The following LYSMD2 variants were observed in gnomAD, a reference collection of about 807,000 sequenced individuals.
LYSMD2 encodes the protein lysM and putative peptidoglycan-binding domain-containing protein 2.
LYSMD2 carries 6 observed loss-of-function variants against 17.7 expected under a neutral mutation model. The ratio of observed to expected loss-of-function variants is 0.34; its 90% CI spans 0.19 to 0.67. The LOEUF (loss-of-function observed/expected upper bound fraction) is 0.67. LYSMD2 is among the 30% of genes least tolerant of loss of function. The pLI, the probability that LYSMD2 is intolerant of heterozygous loss-of-function variation, is 0.69. For synonymous variants in LYSMD2, 102 were observed against 129.8 expected (o/e 0.79, Z 1.45); for missense variants, 237 against 286.7 (o/e 0.83, Z 1.25).
chr15:51,743,452 A>C (rs1229428094), intron 1 of LYSMD2, among the ~76,000 whole-genome samples: 1 of 152,166 alleles, frequency 6.6e-6, no homozygotes, highest in East Asian at 1.9e-4. Flanking sequence ...GTGTGGGTCT[A>C]TTTCTGGACA....
upstream of LYSMD2, among the ~76,000 whole-genome samples, chr15:51,742,402 A>T (rs531179007): frequency 1.7e-4 from 26 of 152,286 alleles, no homozygotes; most frequent in Non-Finnish European, 3.1e-4. Flanking sequence ...GGTCATATTA[A>T]TTTGACTCTT....
chr15:51,723,401 A>AT lies in LYSMD2; in HGVS notation c.*205dup. 2 of 503,318 alleles carry AT rather than the reference A, an allele frequency of 4.0e-6. No homozygotes were observed. Among genetic ancestry groups the AT allele is most frequent in the Non-Finnish European group, 7.1e-6 (2 of 282,750 alleles). The allele number at this position is 503,318 out of a possible 1,614,324, so 31.2% of individuals were successfully genotyped here. ...ATGAGCTTTAGGCTACAACCTTGCC[A>AT]TCATGCCATAATAAAGACTTAAAAT... is the stretch of plus-strand genomic sequence containing the variant. On this transcript the variant is annotated 3_prime_UTR_variant, in exon 3 of 3. Coordinates refer to ENST00000267838, the MANE Select transcript of LYSMD2 (RefSeq NM_153374.3).
chr15:51,736,791 TCA>T (rs1349193148), intron 1 of LYSMD2, among the ~76,000 whole-genome samples: 2 of 152,160 alleles, frequency 1.3e-5, no homozygotes, highest in Non-Finnish European at 2.9e-5. Flanking sequence ...GCGACAGGTG[TCA>T]CATTCGCGGT....
upstream of LYSMD2, chr15:51,737,691 G>T: frequency 9.1e-7 from 1 of 1,100,256 alleles, no homozygotes; most frequent in Non-Finnish European, 1.1e-6. The surrounding 1 kb of genome is among the most constrained non-coding windows in gnomAD (Gnocchi z 4.2). Context: ...CTCCGCCGCC[G>T]CCGCCGCCTC....
At chr15:51,751,233 G>A (rs1438880073) in intron 1 of LYSMD2, 8 of 700,982 alleles carry the variant, frequency 1.1e-5, no homozygotes, top group East Asian at 1.1e-4. Flanking sequence ...CCACGCCCAC[G>A]CCCAGCCAGG....
Position 51,723,628 on chromosome 15 carries a change from T to C in LYSMD2, c.627A>G (p.Ala209=), listed in dbSNP as rs558955912. 6.2e-7 allele frequency: 1 copy of C among 1,607,140 alleles called. No homozygotes were observed. Among genetic ancestry groups the C allele is most frequent in the South Asian group, 1.1e-5 (1 of 90,354 alleles). Residue 209 remains alanine, a synonymous_variant, in exon 3 of 3, where the codon GCA becomes GCG. Transcript: ENST00000267838. ...EESRDEESPY[A]TSLYHS The stretch of plus-strand genomic sequence containing the variant: ...TCACCTAACTGTGATAGAGGGAAGT[T>C]GCATAGGGACTTTCTTCATCTCTGA...
chr15:51,742,530 G>A (rs1300792031), upstream of LYSMD2, among the ~76,000 whole-genome samples: 2 of 152,066 alleles, frequency 1.3e-5, no homozygotes, highest in Admixed American at 1.3e-4. Context: ...TTGAGTTTGG[G>A]GGAGCTCTTT....
chr15:51,723,491 G>T lies in LYSMD2; in HGVS notation c.*116C>A, dbSNP rs1046571001. 8 of 837,164 alleles carry T rather than the reference G, an allele frequency of 9.6e-6. No homozygotes were observed. The highest frequency in any genetic ancestry group is 1.4e-5 in the Non-Finnish European group (7 of 489,436). The allele number at this position is 837,164 out of a possible 1,614,324, so 51.9% of individuals were successfully genotyped here. Reference sequence around the variant, plus strand: ...GCAGCAGGTAGAACTACCTAGTTATGATTTTAAGATGGACACTATAGGAAT... The same window carrying T: ...GCAGCAGGTAGAACTACCTAGTTATTATTTTAAGATGGACACTATAGGAAT... On this transcript the variant is annotated 3_prime_UTR_variant, in exon 3 of 3. Coordinates refer to ENST00000267838, the MANE Select transcript of LYSMD2 (RefSeq NM_153374.3).
intron 1 of LYSMD2, among the ~76,000 whole-genome samples, chr15:51,732,543 TTTAATGGCTA>T (rs1456207768): frequency 6.6e-6 from 1 of 152,198 alleles, no homozygotes. Flanking sequence ...AATGCCAGTT[TTTAATGGCTA>T]TTAATGGCTA....
chr15:51,738,787 T>C (rs1279033825), upstream of LYSMD2, among the ~76,000 whole-genome samples: 1 of 152,198 alleles, frequency 6.6e-6, no homozygotes, highest in Non-Finnish European at 1.5e-5. Flanking sequence ...AGGAGCAAGC[T>C]TCCACAACAC....
chr15:51,745,655 C>CCA (rs3078131), intron 1 of LYSMD2, among the ~76,000 whole-genome samples: 4,725 of 150,982 alleles, frequency 0.031, 131 homozygotes, highest in South Asian at 0.14. Context: ...AAAACACACA[C>CCA]CACACACACA....
At chr15:51,747,546 G>C (rs1171893792) in intron 1 of LYSMD2, among the ~76,000 whole-genome samples, 3 of 152,202 alleles carry the variant, frequency 2.0e-5, no homozygotes, top group Non-Finnish European at 4.4e-5. Flanking sequence ...AATATTCTGT[G>C]TTCACATTTT....
intron 2 of LYSMD2, among the ~76,000 whole-genome samples, chr15:51,724,122 G>C (rs1595846736): frequency 1.3e-5 from 2 of 152,078 alleles, no homozygotes; most frequent in South Asian, 4.2e-4. Context: ...ATCAATTTTA[G>C]TTGCAAGCTT....
chr15:51,737,008 G>T lies in LYSMD2; in HGVS notation c.273+342C>A, dbSNP rs537754534. Among the ~76,000 whole-genome samples, 24 of 152,306 alleles carry T rather than the reference G, an allele frequency of 1.6e-4. No individual in the cohort carries two copies. The highest frequency in any genetic ancestry group is 2.6e-4 in the Non-Finnish European group (18 of 68,022). On this transcript the variant is annotated intron_variant, in intron 1 of 2. Transcript: ENST00000267838. The surrounding 1 kb of genome is among the most constrained non-coding windows in gnomAD (Gnocchi z 4.2). ...TGCAAATTGGGTGAAGGTGGTTCAC[G>T]GGGATGCCAAAGCCCTAGTCCTCTT...
chr15:51,734,917 G>T (rs917531709), intron 1 of LYSMD2, among the ~76,000 whole-genome samples: 3 of 152,176 alleles, frequency 2.0e-5, no homozygotes, highest in Non-Finnish European at 4.4e-5. Context: ...GCTCACACCT[G>T]TAGGCCCAGC....
At chr15:51,745,052 A>G (rs2055660669) in intron 1 of LYSMD2, among the ~76,000 whole-genome samples, 1 of 152,182 alleles carries the variant, frequency 6.6e-6, no homozygotes, top group African/African-American at 2.4e-5. Context: ...ATGAACTAAC[A>G]AAACTGACTC....
upstream of LYSMD2, among the ~76,000 whole-genome samples, chr15:51,739,915 A>G (rs1459543847): frequency 6.6e-6 from 1 of 152,100 alleles, no homozygotes; most frequent in East Asian, 1.9e-4. Flanking sequence ...CAACACAGTG[A>G]GACCCTGGGG....
At chr15:51,741,890 A>T (rs1287732775), upstream of LYSMD2, among the ~76,000 whole-genome samples, 1 of 151,740 alleles carries the variant, frequency 6.6e-6, no homozygotes, top group Non-Finnish European at 1.5e-5. Flanking sequence ...ACTGCACTCC[A>T]GCCTGGGCAA....
chr15:51,725,569 T>C (rs562074929), intron 1 of LYSMD2, among the ~76,000 whole-genome samples: 1 of 152,248 alleles, frequency 6.6e-6, no homozygotes, highest in East Asian at 1.9e-4. Flanking sequence ...TGTATGAACA[T>C]GAGCTTGTTA....
Sources: gnomAD v4.1 joint callset for allele counts (sites outside exome capture counted in the v4.1 genomes callset) on GRCh38, gnomAD v4.1.1 for gene constraint, Gnocchi (gnomAD v3.1) non-coding constraint, MANE v1.5 for transcripts, NCBI Gene and HGNC (gene_info 2026-07-23, HGNC 2026-07-21) for gene names.